ZNF782: variants seen among roughly 807,000 people sequenced by gnomAD.
ZNF782 encodes the protein zinc finger protein 782.
A neutral mutation model predicts 13.0 loss-of-function variants in ZNF782; 12 were observed. The ratio of observed to expected loss-of-function variants is 0.92; its 90% CI spans 0.59 to 1.50. The LOEUF is 1.50. Among genes scored for constraint, ZNF782 ranks in the 40% most tolerant of loss-of-function variants. The probability of loss-of-function intolerance (pLI) is 0.00; values close to 1 mark genes in which losing one functional copy is unlikely to be tolerated. For synonymous variants in ZNF782, 284 were observed against 283.0 expected, an observed-to-expected ratio of 1.00 and a Z score of -0.04; for missense variants, 770 against 822.9, an observed-to-expected ratio of 0.94 and a Z score of 0.79.
At chr9:96,912,373 A>C in the ZNF782 span, among the ~76,000 whole-genome samples, 2 of 149,020 alleles carry the variant, frequency 1.3e-5, no homozygotes, top group Non-Finnish European at 3.0e-5. Flanking sequence ...AAAAATACAA[A>C]AAATTGGCTG....
the ZNF782 span, among the ~76,000 whole-genome samples, chr9:96,886,735 C>T: frequency 6.6e-6 from 1 of 151,816 alleles, no homozygotes; most frequent in African/African-American, 2.4e-5. Context: ...CAAGCTTGGC[C>T]AACATGGAGA....
chr9:96,832,021 TTTG>T (rs1223147082), intron 4 of ZNF782, among the ~76,000 whole-genome samples: 1 of 152,152 alleles, frequency 6.6e-6, no homozygotes, highest in Non-Finnish European at 1.5e-5. Context: ...TGCCATTTTA[TTTG>T]TTTTTTTTGT....
intron 4 of ZNF782, among the ~76,000 whole-genome samples, chr9:96,843,043 T>C (rs1851234134): frequency 1.3e-5 from 2 of 152,104 alleles, no homozygotes; most frequent in Admixed American, 6.5e-5. Context: ...ATAGCAACAA[T>C]GCCTAGTACC....
chr9:96,868,801 G>A (rs1851791752), intron 1 of ZNF782, among the ~76,000 whole-genome samples: 1 of 152,080 alleles, frequency 6.6e-6, no homozygotes, highest in Non-Finnish European at 1.5e-5. Context: ...AGCATATGAC[G>A]GCTTTACCAC....
upstream of ZNF782, among the ~76,000 whole-genome samples, chr9:96,877,112 T>C (rs568137621): frequency 8.5e-5 from 13 of 152,120 alleles, no homozygotes; most frequent in African/African-American, 2.4e-4. Flanking sequence ...CATAATATCA[T>C]AGGAACATCT....
chr9:96,871,997 T>C (rs1851834566), intron 1 of ZNF782, among the ~76,000 whole-genome samples: 2 of 152,198 alleles, frequency 1.3e-5, no homozygotes, highest in South Asian at 4.1e-4. Flanking sequence ...TGGACCTTAA[T>C]AGTAGTAGAT....
chr9:96,852,867 AC>A lies in ZNF782; in HGVS notation c.-60del, dbSNP rs1374669366. On this transcript the variant is annotated 5_prime_UTR_variant, in exon 2 of 6. An upstream open reading frame in the 5' UTR gains an earlier in-frame stop. Coordinates refer to ENST00000481138, the MANE Select transcript of ZNF782 (RefSeq NM_001001662.3). ...TGGTGACTCACCTGTGAAAGAATGA[AC>A]GGAACTGTTTTCCTCCTGGCTCTAC... 1 of 152,646 alleles carries A rather than the reference AC, an allele frequency of 6.6e-6. No individual in the cohort carries two copies. Among genetic ancestry groups the A allele is most frequent in the Non-Finnish European group, 1.5e-5 (1 of 68,042 alleles). 9.5% of individuals were successfully genotyped at this position (152,646 alleles called of 1,614,324 possible). A position where few individuals can be genotyped will look rare whatever the true frequency, so the allele number is the denominator to read the frequency against.
chr9:96,912,404 T>C, the ZNF782 span, among the ~76,000 whole-genome samples: 1 of 148,358 alleles, frequency 6.7e-6, no homozygotes, highest in Non-Finnish European at 1.5e-5. Context: ...CGGGCGCCTG[T>C]AATCCCAGCT....
At chr9:96,925,745 G>A in the ZNF782 span, among the ~76,000 whole-genome samples, 6 of 148,062 alleles carry the variant, frequency 4.1e-5, 1 homozygote, top group South Asian at 4.2e-4. Flanking sequence ...GATTCCTACC[G>A]TCTGTCTCCA....
chr9:96,915,212 G>C, the ZNF782 span, among the ~76,000 whole-genome samples: 1 of 152,000 alleles, frequency 6.6e-6, no homozygotes, highest in Non-Finnish European at 1.5e-5. Flanking sequence ...AGAATCATAA[G>C]AACAGTAGAG....
intron 4 of ZNF782, among the ~76,000 whole-genome samples, chr9:96,839,608 T>C (rs942755419): frequency 3.3e-5 from 5 of 152,128 alleles, no homozygotes; most frequent in Non-Finnish European, 7.4e-5. Context: ...AAATCCAAAT[T>C]GTATAAAAAG....
intron 1 of ZNF782, among the ~76,000 whole-genome samples, chr9:96,864,038 C>A (rs1851732449): frequency 6.6e-6 from 1 of 151,040 alleles, no homozygotes; most frequent in Non-Finnish European, 1.5e-5. Flanking sequence ...TATTGGTAAA[C>A]AAATATATAT....
At chr9:96,869,434 G>T (rs544098449) in intron 1 of ZNF782, among the ~76,000 whole-genome samples, 1 of 152,134 alleles carries the variant, frequency 6.6e-6, no homozygotes, top group South Asian at 2.1e-4. Context: ...CATTTAGTTT[G>T]CAAATTTATA....
the ZNF782 span, among the ~76,000 whole-genome samples, chr9:96,901,757 G>C: frequency 3.3e-5 from 5 of 150,892 alleles, no homozygotes; most frequent in Admixed American, 2.0e-4. Context: ...GCACACACCT[G>C]TAATCCCAGC....
intron 1 of ZNF782, among the ~76,000 whole-genome samples, chr9:96,872,187 T>G (rs1851836849): frequency 6.6e-6 from 1 of 152,214 alleles, no homozygotes; most frequent in Admixed American, 6.5e-5. Context: ...TTTATGTGGT[T>G]TTTATTTCTC....
chr9:96,930,130 G>C, the ZNF782 span, among the ~76,000 whole-genome samples: 2 of 151,950 alleles, frequency 1.3e-5, no homozygotes, highest in Non-Finnish European at 2.9e-5. Flanking sequence ...AAGAACCCCT[G>C]GTTCTTCGTT....
Position 96,850,605 on chromosome 9 carries a change from C to T in ZNF782, c.15+1342G>A, listed in dbSNP as rs1851459073. ...TGAACTAAAATCTCAGAATTCACCA[C>T]TATATAATTCATCCATGTAACAAGA... is the stretch of plus-strand genomic sequence containing the variant. On this transcript the variant is annotated intron_variant, in intron 3 of 5. Transcript: ENST00000481138. The surrounding 1 kb of genome is among the most constrained non-coding windows in gnomAD (Gnocchi z 4.3). Among the ~76,000 whole-genome samples, 1 of 152,034 alleles carries T rather than the reference C, an allele frequency of 6.6e-6. No homozygotes were observed. Among genetic ancestry groups the T allele is most frequent in the East Asian group, 1.9e-4 (1 of 5,184 alleles).
the ZNF782 span, among the ~76,000 whole-genome samples, chr9:96,919,981 T>C: frequency 2.0e-5 from 3 of 151,532 alleles, no homozygotes; most frequent in Non-Finnish European, 4.4e-5. Context: ...TCATGGATAA[T>C]AGATTGCTGA....
At chr9:96,868,591 C>T (rs530072491) in intron 1 of ZNF782, among the ~76,000 whole-genome samples, 12 of 152,256 alleles carry the variant, frequency 7.9e-5, no homozygotes, top group South Asian at 2.1e-4. Context: ...AGTTTTTCTA[C>T]GTATTAAAAT....
Sources: gnomAD v4.1 joint callset for allele counts (sites outside exome capture counted in the v4.1 genomes callset) on GRCh38, gnomAD v4.1.1 for gene constraint, Gnocchi (gnomAD v3.1) non-coding constraint, MANE v1.5 for transcripts, NCBI Gene and HGNC (gene_info 2026-07-23, HGNC 2026-07-21) for gene names.